Variants in RUNDC3B observed in about 807,000 individuals in gnomAD.
RUNDC3B encodes RUN domain containing 3B, also known as RUN domain-containing protein 3B.
Under a neutral mutation model 58.4 loss-of-function variants are expected in RUNDC3B, and 33 were observed. That is an observed-to-expected ratio of 0.56 (90% confidence interval 0.43 to 0.75). The LOEUF (loss-of-function observed/expected upper bound fraction) is 0.75. Ranked by LOEUF, RUNDC3B falls within the 30% of genes least tolerant of loss-of-function variation. The pLI, the probability that RUNDC3B is intolerant of heterozygous loss-of-function variation, is 0.00. For synonymous variants in RUNDC3B, 193 were observed against 195.2 expected (o/e 0.99, Z 0.10); for missense variants, 501 against 535.7 (o/e 0.94, Z 0.64).
rs1838129491 is a variant in RUNDC3B at position 87,831,569 on chromosome 7, T to C, written c.*1539T>C. On this transcript the variant is annotated 3_prime_UTR_variant, in exon 11 of 11. Coordinates refer to ENST00000394654, the MANE Select transcript of RUNDC3B (RefSeq NM_001134405.2). Reference sequence around the variant, plus strand: ...TTTAAGCTTAAGGCTTCAATACTTGTAGAAATGCAAATATTCTTGAGAAAT... The same window carrying C: ...TTTAAGCTTAAGGCTTCAATACTTGCAGAAATGCAAATATTCTTGAGAAAT... The C allele has an allele frequency of 6.6e-6, 1 of 151,972 alleles. No homozygotes were observed. The highest frequency in any genetic ancestry group is 1.5e-5 in the Non-Finnish European group (1 of 67,876). The allele number at this position is 151,972 out of a possible 1,614,324, so 9.4% of individuals were successfully genotyped here. A position where few individuals can be genotyped will look rare whatever the true frequency, so the allele number is the denominator to read the frequency against.
chr7:87,777,739 C>T, intron 7 of RUNDC3B, 59 bp from the exon 8 acceptor site: 1 of 1,395,556 alleles, frequency 7.2e-7, no homozygotes. Context: ...CAGCATTTAT[C>T]TTCAGGATAT....
chr7:87,679,125 C>T (rs1442129967), intron 2 of RUNDC3B, among the ~76,000 whole-genome samples: 1 of 134,584 alleles, frequency 7.4e-6, no homozygotes, highest in East Asian at 2.2e-4. Flanking sequence ...CAGAGTCCCG[C>T]TCTTTCCCCC....
chr7:87,684,346 C>G (rs1827228348), intron 2 of RUNDC3B, among the ~76,000 whole-genome samples: 1 of 152,034 alleles, frequency 6.6e-6, no homozygotes, highest in African/African-American at 2.4e-5. Context: ...ATTTATATGT[C>G]TAGGCAAAGT....
chr7:87,661,135 G>A (rs532239237), intron 2 of RUNDC3B, among the ~76,000 whole-genome samples: 28 of 151,536 alleles, frequency 1.8e-4, no homozygotes, highest in Non-Finnish European at 3.1e-4. Context: ...TTAATTTTAT[G>A]GGTACATAGT....
At chr7:87,720,695 G>C (rs1398518977) in intron 4 of RUNDC3B, among the ~76,000 whole-genome samples, 1 of 151,574 alleles carries the variant, frequency 6.6e-6, no homozygotes, top group East Asian at 2.0e-4. Context: ...CCACCTCCTG[G>C]GTTCAAATGA....
chr7:87,728,859 C>T (rs796441745), intron 4 of RUNDC3B, among the ~76,000 whole-genome samples: 3 of 152,118 alleles, frequency 2.0e-5, no homozygotes, highest in African/African-American at 7.2e-5. Context: ...GTGAGATTTT[C>T]GCATATCTCC....
In RUNDC3B at chr7:87,807,141, C is replaced by A. The variant is rs566717802; in HGVS notation, c.957-232C>A. 5.9e-5 allele frequency among the ~76,000 whole-genome samples: 9 copies of A among 152,106 alleles called. No homozygotes were observed. The South Asian group carries it at 1.9e-3, about 32-fold the overall frequency. ...GTAATAATGTGAAAAGATAGTAAGT[C>A]TAAATTTCACAAGTAGTGATTTGTT... On this transcript the variant is annotated intron_variant, in intron 8 of 10. Coordinates refer to ENST00000394654, the MANE Select transcript of RUNDC3B (RefSeq NM_001134405.2).
chr7:87,754,065 T>C (rs1334316724), intron 6 of RUNDC3B, among the ~76,000 whole-genome samples: 2 of 152,032 alleles, frequency 1.3e-5, no homozygotes, highest in Non-Finnish European at 2.9e-5. Flanking sequence ...TTTTATAGAA[T>C]GGTGCTTGTG....
intron 2 of RUNDC3B, among the ~76,000 whole-genome samples, chr7:87,688,705 A>C (rs1827719979): frequency 6.6e-6 from 1 of 151,898 alleles, no homozygotes; most frequent in Admixed American, 6.6e-5. Flanking sequence ...TATTTTTCTT[A>C]GTTCTGTAAT....
At chr7:87,632,285 A>G (rs1418027650) in intron 1 of RUNDC3B, among the ~76,000 whole-genome samples, 1 of 152,200 alleles carries the variant, frequency 6.6e-6, no homozygotes, top group East Asian at 1.9e-4. Context: ...AGTGCAATAT[A>G]TAGTTTTGAG....
At chr7:87,766,538 G>GT (rs998207870) in intron 6 of RUNDC3B, among the ~76,000 whole-genome samples, 4 of 151,858 alleles carry the variant, frequency 2.6e-5, no homozygotes, top group Admixed American at 2.0e-4. Flanking sequence ...CTTGGCTAGT[G>GT]TTTTTTTCTC....
intron 6 of RUNDC3B, among the ~76,000 whole-genome samples, chr7:87,748,799 T>C (rs1227574056): frequency 6.6e-6 from 1 of 151,996 alleles, no homozygotes; most frequent in Non-Finnish European, 1.5e-5. Context: ...GGAGGGAAGG[T>C]ATTTTGGATG....
chr7:87,765,614 A>G (rs1416829451), intron 6 of RUNDC3B, among the ~76,000 whole-genome samples: 2 of 151,892 alleles, frequency 1.3e-5, no homozygotes, highest in African/African-American at 2.4e-5. Context: ...ATGGTTCTTC[A>G]TGGTATTGAT....
At chr7:87,648,673 G>A (rs1823268935) in intron 1 of RUNDC3B, among the ~76,000 whole-genome samples, 1 of 152,054 alleles carries the variant, frequency 6.6e-6, no homozygotes, top group Admixed American at 6.6e-5. Flanking sequence ...GTTTTAAAGT[G>A]TACTAAATAA....
chr7:87,733,741 T>C (rs889592298), intron 4 of RUNDC3B, among the ~76,000 whole-genome samples: 1 of 152,116 alleles, frequency 6.6e-6, no homozygotes, highest in African/African-American at 2.4e-5. Context: ...CAGTTCACAG[T>C]AGGGTTCTTA....
chr7:87,793,159 A>C (rs1253057090), intron 8 of RUNDC3B, among the ~76,000 whole-genome samples: 1 of 152,102 alleles, frequency 6.6e-6, no homozygotes. Flanking sequence ...AGAAATCCAA[A>C]ACCTGAACAG....
At chr7:87,640,192 GTA>G (rs772972684) in intron 1 of RUNDC3B, among the ~76,000 whole-genome samples, 1,615 of 145,364 alleles carry the variant, frequency 0.011, 27 homozygotes, top group African/African-American at 0.037. Flanking sequence ...ATATATATGT[GTA>G]TATATATATA....
intron 2 of RUNDC3B, among the ~76,000 whole-genome samples, chr7:87,694,706 C>T (rs1011919483): frequency 2.0e-5 from 3 of 152,036 alleles, no homozygotes; most frequent in East Asian, 1.9e-4. Context: ...CCGTCATGTA[C>T]GATTTCATTC....
intron 1 of RUNDC3B, among the ~76,000 whole-genome samples, chr7:87,643,541 G>A (rs1329603457): frequency 6.6e-6 from 1 of 152,216 alleles, no homozygotes; most frequent in Non-Finnish European, 1.5e-5. Context: ...TGGGTGCGGG[G>A]CAGGGAGTCT....
Sources: allele counts gnomAD v4.1 joint callset (sites outside exome capture counted in the v4.1 genomes callset), GRCh38; gene constraint gnomAD v4.1.1; transcripts MANE v1.5; gene names NCBI Gene and HGNC (gene_info 2026-07-23, HGNC 2026-07-21).